Variants in SMARCC1 observed in about 807,000 individuals in gnomAD.
SMARCC1 encodes the protein SWI/SNF related BAF chromatin remodeling complex subunit C1.
SMARCC1 carries 43 observed loss-of-function variants against 147.4 expected under a neutral mutation model. The observed-to-expected ratio is 0.29, with a 90% CI of 0.23 to 0.38. The LOEUF (loss-of-function observed/expected upper bound fraction) is 0.38, where lower values mean the gene tolerates loss of function less well. Among genes scored for constraint, SMARCC1 ranks in the 10% least tolerant of loss-of-function variants. The pLI is 1.00. For missense variants in SMARCC1, 1,119 were observed against 1,381.1 expected, an observed-to-expected ratio of 0.81 and a Z score of 3.01; for synonymous variants, 495 against 484.4, an observed-to-expected ratio of 1.02 and a Z score of -0.29.
At chr3:47,675,046 TCA>T (rs1470150127) in intron 18 of SMARCC1, among the ~76,000 whole-genome samples, 16 of 152,142 alleles carry the variant, frequency 1.1e-4, no homozygotes, top group Non-Finnish European at 1.8e-4. Flanking sequence ...GAACTCTATC[TCA>T]CATATCTGTT....
intron 8 of SMARCC1, among the ~76,000 whole-genome samples, chr3:47,713,384 C>A (rs957079790): frequency 1.3e-5 from 2 of 151,896 alleles, no homozygotes; most frequent in African/African-American, 4.8e-5. Flanking sequence ...AAGAAGGGTA[C>A]CAAGTAGTGC....
At chr3:47,774,734 T>C (rs1054663185) in intron 1 of SMARCC1, among the ~76,000 whole-genome samples, 1 of 152,036 alleles carries the variant, frequency 6.6e-6, no homozygotes, top group African/African-American at 2.4e-5. Context: ...AAAAACTACA[T>C]ACTACTTTCC....
At chr3:47,781,301 C>G (rs2035044208) in intron 1 of SMARCC1, among the ~76,000 whole-genome samples, 1 of 152,218 alleles carries the variant, frequency 6.6e-6, no homozygotes, top group Admixed American at 6.5e-5. Context: ...CCTAAGGCAG[C>G]TGACAAAAGA....
At chr3:47,672,057 AT>A (rs1162192441) in intron 18 of SMARCC1, among the ~76,000 whole-genome samples, 2 of 152,252 alleles carry the variant, frequency 1.3e-5, no homozygotes, top group Non-Finnish European at 2.9e-5. Context: ...ACAAAAAAAA[AT>A]AATGCATCAA....
At chr3:47,644,137 ACCAC>A (rs2033087608) in intron 21 of SMARCC1, among the ~76,000 whole-genome samples, 1 of 152,118 alleles carries the variant, frequency 6.6e-6, no homozygotes, top group Non-Finnish European at 1.5e-5. Flanking sequence ...AGAAATGATC[ACCAC>A]TGCACTCCAG....
At chr3:47,611,238 C>T (rs1051642271) in intron 25 of SMARCC1, among the ~76,000 whole-genome samples, 1 of 152,168 alleles carries the variant, frequency 6.6e-6, no homozygotes, top group Non-Finnish European at 1.5e-5. Flanking sequence ...TTTTCAATAA[C>T]ATCTCCATCC....
At chr3:47,594,285 T>G (rs1053165652) in intron 26 of SMARCC1, among the ~76,000 whole-genome samples, 1 of 152,234 alleles carries the variant, frequency 6.6e-6, no homozygotes, top group African/African-American at 2.4e-5. Context: ...GTGGCCCATC[T>G]TTCTGCACTC....
At chr3:47,748,073 G>A (rs968756655) in intron 2 of SMARCC1, among the ~76,000 whole-genome samples, 1 of 151,958 alleles carries the variant, frequency 6.6e-6, no homozygotes, top group African/African-American at 2.4e-5. Context: ...CAGGAGAATC[G>A]CTTGAACCCA....
intron 5 of SMARCC1, among the ~76,000 whole-genome samples, chr3:47,734,617 G>A (rs1420784481): frequency 6.6e-6 from 1 of 152,140 alleles, no homozygotes; most frequent in East Asian, 1.9e-4. Context: ...ACTATGTGAT[G>A]GGCTTAATTA....
intron 26 of SMARCC1, among the ~76,000 whole-genome samples, chr3:47,593,556 C>T (rs745599391): frequency 1.3e-5 from 2 of 152,116 alleles, no homozygotes; most frequent in South Asian, 2.1e-4. Flanking sequence ...AATCTAGGGA[C>T]TTTACTATCT....
At chr3:47,701,200 G>T in intron 11 of SMARCC1, 78 bp downstream of exon 11, 2 of 1,241,482 alleles carry the variant, frequency 1.6e-6, no homozygotes, top group Non-Finnish European at 2.3e-6. Flanking sequence ...TGGACCCACA[G>T]CAAGCAATGA....
intron 19 of SMARCC1, among the ~76,000 whole-genome samples, chr3:47,666,642 G>GGCGTGCA (rs2033423847): frequency 2.6e-5 from 4 of 151,594 alleles, no homozygotes; most frequent in African/African-American, 7.3e-5. Context: ...TCCAACCTGT[G>GGCGTGCA]GCCTGCAGCC....
Position 47,676,731 on chromosome 3 carries a change from C to T in SMARCC1, c.1623G>A (p.Pro541=), listed in dbSNP as rs768232431. 2.3e-5 allele frequency: 37 copies of T among 1,613,574 alleles called. No individual in the cohort carries two copies. Among genetic ancestry groups the T allele is most frequent in the Admixed American group, 5.0e-5 (3 of 60,008 alleles). The change falls in exon 17 of 28, where the codon CCG becomes CCA. Residue 541 remains proline (P), a synonymous_variant. Transcript: ENST00000254480. The part of the protein sequence containing the change: ...QWGLVNYQVD[P]ESRPMAMGPP... ...GTCCCATTGCCATGGGTCTACTTTC[C>T]GGGTCAACTTGGTAATTAACGAGTC...
intron 25 of SMARCC1, among the ~76,000 whole-genome samples, chr3:47,621,161 G>A (rs764518107): frequency 3.3e-5 from 5 of 152,038 alleles, no homozygotes; most frequent in Non-Finnish European, 7.4e-5. Flanking sequence ...TTAGCTGGGC[G>A]TGGTGGCGTG....
chr3:47,729,016 C>G lies in SMARCC1; in HGVS notation c.646+9G>C. The G allele has an allele frequency of 6.2e-7, 1 of 1,601,184 alleles. No homozygotes were observed. Among genetic ancestry groups the G allele is most frequent in the Non-Finnish European group, 8.5e-7 (1 of 1,169,792 alleles). On this transcript the variant is annotated intron_variant, in intron 6 of 27. Coordinates refer to ENST00000254480, the MANE Select transcript of SMARCC1 (RefSeq NM_003074.4). ...GAGCTCATCTGTTCACAACGCAAAA[C>G]TAACTTACCATCGTCTTGTGAGGAA... is the stretch of plus-strand genomic sequence containing the variant.
chr3:47,602,866 C>T (rs753558923), intron 26 of SMARCC1, among the ~76,000 whole-genome samples: 7 of 151,926 alleles, frequency 4.6e-5, no homozygotes, highest in Non-Finnish European at 8.8e-5. Context: ...ATGCCTAGGA[C>T]GGGCTGGGCC....
chr3:47,686,312 A>T (rs2033723047), intron 13 of SMARCC1, 142 bp from the exon 14 acceptor site: 1 of 658,060 alleles, frequency 1.5e-6, no homozygotes, highest in Admixed American at 3.0e-5. Flanking sequence ...ATTTCAAGTA[A>T]AAACAACCTT....
chr3:47,645,955 T>A (rs1213331065), intron 21 of SMARCC1, among the ~76,000 whole-genome samples: 2 of 152,238 alleles, frequency 1.3e-5, no homozygotes, highest in Admixed American at 1.3e-4. Flanking sequence ...CATTTGTTTT[T>A]GTTTTTTAAG....
intron 22 of SMARCC1, among the ~76,000 whole-genome samples, chr3:47,636,794 G>GTA (rs2106704249): frequency 1.9e-5 from 1 of 51,920 alleles, no homozygotes; most frequent in South Asian, 5.8e-4. Flanking sequence ...ATATATGTGT[G>GTA]TGTGTGTGTG....
Sources: gnomAD v4.1 joint callset for allele counts (sites outside exome capture counted in the v4.1 genomes callset) on GRCh38, gnomAD v4.1.1 for gene constraint, MANE v1.5 for transcripts, NCBI Gene and HGNC (gene_info 2026-07-23, HGNC 2026-07-21) for gene names.